Variants in ZNF621 observed in about 807,000 individuals in gnomAD.
The protein encoded by ZNF621 is zinc finger protein 621.
A neutral mutation model predicts 12.7 loss-of-function variants in ZNF621; 6 were observed. The observed-to-expected ratio is 0.47, with a 90% CI of 0.26 to 0.93. ZNF621 has a LOEUF of 0.93. Among genes scored for constraint, ZNF621 ranks in the 40% least tolerant of loss-of-function variants. The pLI is 0.15. For missense variants in ZNF621, 474 were observed against 524.0 expected, an observed-to-expected ratio of 0.90 and a Z score of 0.93; for synonymous variants, 156 against 190.3, an observed-to-expected ratio of 0.82 and a Z score of 1.48.
upstream of ZNF621, among the ~76,000 whole-genome samples, chr3:40,523,866 A>G (rs1698516743): frequency 6.6e-6 from 1 of 151,466 alleles, no homozygotes; most frequent in Admixed American, 6.6e-5. Context: ...GTCCAGAAGG[A>G]AGGGCACAGT....
In ZNF621 at chr3:40,532,760, G is replaced by A. The variant is rs886334069; in HGVS notation, c.990G>A (p.Trp330Ter). 1 of 1,614,068 alleles carries A rather than the reference G, an allele frequency of 6.2e-7. No homozygotes were observed. Among genetic ancestry groups the A allele is most frequent in the Non-Finnish European group, 8.5e-7 (1 of 1,180,050 alleles). Residue 330 changes from tryptophan (W) to a stop codon, truncating the protein, a stop_gained, in exon 5 of 5, where the codon TGG (tryptophan) becomes TGA (stop). Coordinates refer to ENST00000339296, the MANE Select transcript of ZNF621 (RefSeq NM_198484.5). LOFTEE classifies it low-confidence loss of function (END_TRUNC). ...AGGTGTGTGGGAAAGCCTTCAAATGGTATGGAAGTTTTGTTCAGCATCAGA... is the reference window on the plus strand; with the variant it reads ...AGGTGTGTGGGAAAGCCTTCAAATGATATGGAAGTTTTGTTCAGCATCAGA... ...ECKVCGKAFKWYGSFVQHQKL... is the reference protein window; with the variant it reads ...ECKVCGKAFK
At position 40,539,498 on chromosome 3, in the gene ZNF621, A is replaced by G. The variant is rs1219521711; in HGVS notation, c.*6408A>G. 1 of 152,260 alleles carries G rather than the reference A, an allele frequency of 6.6e-6. No homozygotes were observed. The highest frequency in any genetic ancestry group is 2.4e-5 in the African/African-American group (1 of 41,478). The allele number at this position is 152,260 out of a possible 1,614,324, so 9.4% of individuals were successfully genotyped here. On this transcript the variant is annotated 3_prime_UTR_variant, in exon 5 of 5. Coordinates refer to ENST00000339296, the MANE Select transcript of ZNF621 (RefSeq NM_198484.5). ...TTGCAAACTTAATAGACTATAATAT[A>G]GATTAAACATAACTTTTATAGGTAC...
chr3:40,537,981 T>TA lies in ZNF621; in HGVS notation c.*4895dup, dbSNP rs1698909236. Among the ~76,000 whole-genome samples, 1 of 152,184 alleles carries TA rather than the reference T, an allele frequency of 6.6e-6. No individual in the cohort carries two copies. Among genetic ancestry groups the TA allele is most frequent in the African/African-American group, 2.4e-5 (1 of 41,458 alleles). On this transcript the variant is annotated 3_prime_UTR_variant, in exon 5 of 5. Transcript: ENST00000339296. ...GGAGAAGAGAAGTTAATCCCTGGCT[T>TA]AAAAGCATCAAAGGACAGCTCGTCT...
Position 40,532,768 on chromosome 3 carries a change from G to A in ZNF621, c.998G>A (p.Ser333Asn). 1.2e-6 allele frequency: 2 copies of A among 1,614,202 alleles called. No individual in the cohort carries two copies. The highest frequency in any genetic ancestry group is 1.7e-6 in the Non-Finnish European group (2 of 1,180,042). Residue 333 changes from serine to asparagine, a missense_variant, in exon 5 of 5, where the codon AGT (serine) becomes AAT (asparagine). Coordinates refer to ENST00000339296, the MANE Select transcript of ZNF621 (RefSeq NM_198484.5). Reference sequence around the variant, plus strand: ...GGGAAAGCCTTCAAATGGTATGGAAGTTTTGTTCAGCATCAGAAATTGCAC... The same window carrying A: ...GGGAAAGCCTTCAAATGGTATGGAAATTTTGTTCAGCATCAGAAATTGCAC... ...VCGKAFKWYG[S>N]FVQHQKLHPV...
Position 40,532,058 on chromosome 3 carries a change from G to T in ZNF621, c.288G>T (p.Gly96=), listed in dbSNP as rs1575308395. The change falls in exon 5 of 5, where the codon GGG becomes GGT. Residue 96 remains glycine, a synonymous_variant. Transcript: ENST00000339296. ...QGGESWIKNE[G]LVIKQEASEE... ...GTGAGTCCTGGATCAAAAATGAAGG[G>T]CTAGTTATAAAGCAGGAAGCCTCTG... is the stretch of plus-strand genomic sequence containing the variant. 2 of 1,613,114 alleles carry T rather than the reference G, an allele frequency of 1.2e-6. No homozygotes were observed. The highest frequency in any genetic ancestry group is 1.7e-6 in the Non-Finnish European group (2 of 1,179,726).
chr3:40,536,570 C>T lies in ZNF621; in HGVS notation c.*3480C>T, dbSNP rs1698868569. 1 of 152,212 alleles carries T rather than the reference C, an allele frequency of 6.6e-6. No homozygotes were observed. Among genetic ancestry groups the T allele is most frequent in the African/African-American group, 2.4e-5 (1 of 41,458 alleles). The allele number at this position is 152,212 out of a possible 1,614,324, so 9.4% of individuals were successfully genotyped here. ...TTCTGCTACTGCTCTCATTCTGTCTCATCCCAGGAATCCAGTCCCAAGTGC... is the reference window on the plus strand; with the variant it reads ...TTCTGCTACTGCTCTCATTCTGTCTTATCCCAGGAATCCAGTCCCAAGTGC... On this transcript the variant is annotated 3_prime_UTR_variant, in exon 5 of 5. Coordinates refer to ENST00000339296, the MANE Select transcript of ZNF621 (RefSeq NM_198484.5).
chr3:40,531,590 T>C (rs1698727213), intron 4 of ZNF621, among the ~76,000 whole-genome samples: 1 of 152,142 alleles, frequency 6.6e-6, no homozygotes, highest in Admixed American at 6.5e-5. Flanking sequence ...TAAGACAGGG[T>C]CTAGCTCCGC....
rs1444505626 is a variant in ZNF621, at chr3:40,533,082, T to G, written c.1312T>G (p.Ser438Ala). The G allele has an allele frequency of 9.7e-6, 15 of 1,551,350 alleles. No individual in the cohort carries two copies. The highest frequency in any genetic ancestry group is 1.4e-5 in the African/African-American group (1 of 73,050). Residue 438 changes from serine (S) to alanine (A), a missense_variant, in exon 5 of 5, where the codon TCC (serine) becomes GCC (alanine). Ser to Ala is a moderately conservative substitution (Grantham distance 99). Coordinates refer to ENST00000339296, the MANE Select transcript of ZNF621 (RefSeq NM_198484.5). ...SPVILTPSSH[S>A]S ...AGTTATTCTCACCCCTTCTTCTCAC[T>G]CCTCATGAGCTTTATCTTGGCAGTC...
At chr3:40,523,284 A>C (rs947750003), upstream of ZNF621, among the ~76,000 whole-genome samples, 1 of 152,220 alleles carries the variant, frequency 6.6e-6, no homozygotes, top group African/African-American at 2.4e-5. Context: ...TCTAATTCTT[A>C]AGAAAGGAAT....
intron 3 of ZNF621, 171 bp downstream of exon 3, chr3:40,529,616 TTTGTTTTG>T: frequency 1.4e-6 from 2 of 1,471,548 alleles, no homozygotes; most frequent in East Asian, 5.7e-5. Context: ...TGTTTGTTTG[TTTGTTTTG>T]TTTGTTTGTT....
rs1191767280 is a variant in ZNF621, at chr3:40,537,050, A to G, written c.*3960A>G. 2.6e-5 allele frequency: 4 copies of G among 152,124 alleles called. No homozygotes were observed. Among genetic ancestry groups the G allele is most frequent in the Non-Finnish European group, 5.9e-5 (4 of 68,048 alleles). The allele number at this position is 152,124 out of a possible 1,614,324, so 9.4% of individuals were successfully genotyped here. The stretch of plus-strand genomic sequence containing the variant: ...ATCTCTCTCCCTCTCCTCAGACCTC[A>G]CTATTCTCTCAGACACAACAGTATT... On this transcript the variant is annotated 3_prime_UTR_variant, in exon 5 of 5. Coordinates refer to ENST00000339296, the MANE Select transcript of ZNF621 (RefSeq NM_198484.5).
Position 40,539,171 on chromosome 3 carries a change from A to G in ZNF621, c.*6081A>G, listed in dbSNP as rs886454844. On this transcript the variant is annotated 3_prime_UTR_variant, in exon 5 of 5. Coordinates refer to ENST00000339296, the MANE Select transcript of ZNF621 (RefSeq NM_198484.5). The stretch of plus-strand genomic sequence containing the variant: ...GCAGAGTTTGAGAGGATTGACTTCA[A>G]TTTTGAAGAATGTTCCACTGTGGGT... 5 of 154,968 alleles carry G rather than the reference A, an allele frequency of 3.2e-5. No individual in the cohort carries two copies. Among genetic ancestry groups the G allele is most frequent in the African/African-American group, 7.2e-5 (3 of 41,520 alleles). The allele number at this position is 154,968 out of a possible 1,614,324, so 9.6% of individuals were successfully genotyped here.
At position 40,537,977 on chromosome 3, in the gene ZNF621, G is replaced by A. The variant is rs943722512; in HGVS notation, c.*4887G>A. Among the ~76,000 whole-genome samples the A allele has an allele frequency of 6.6e-6, 1 of 152,162 alleles. No individual in the cohort carries two copies. The highest frequency in any genetic ancestry group is 1.5e-5 in the Non-Finnish European group (1 of 68,028). On this transcript the variant is annotated 3_prime_UTR_variant, in exon 5 of 5. Coordinates refer to ENST00000339296, the MANE Select transcript of ZNF621 (RefSeq NM_198484.5). ...TCATGGAGAAGAGAAGTTAATCCCT[G>A]GCTTAAAAGCATCAAAGGACAGCTC...
At position 40,536,153 on chromosome 3, in the gene ZNF621, G is replaced by A. The variant is rs1698860106; in HGVS notation, c.*3063G>A. The A allele has an allele frequency of 6.6e-6, 1 of 152,194 alleles. No homozygotes were observed. Among genetic ancestry groups the A allele is most frequent in the Admixed American group, 6.5e-5 (1 of 15,278 alleles). 9.4% of individuals were successfully genotyped at this position (152,194 alleles called of 1,614,324 possible). ...CTGTTGCTCAGGCTGGAGTGCAGTGGTGCAATCTTGGCTCACTGCAACCTA... is the reference window on the plus strand; with the variant it reads ...CTGTTGCTCAGGCTGGAGTGCAGTGATGCAATCTTGGCTCACTGCAACCTA... On this transcript the variant is annotated 3_prime_UTR_variant, in exon 5 of 5. Coordinates refer to ENST00000339296, the MANE Select transcript of ZNF621 (RefSeq NM_198484.5).
At chr3:40,527,687 A>G (rs1343210146) in intron 2 of ZNF621, among the ~76,000 whole-genome samples, 1 of 152,238 alleles carries the variant, frequency 6.6e-6, no homozygotes, top group African/African-American at 2.4e-5. Flanking sequence ...AAGTTCTGAT[A>G]GAAGTTCAAA....
In ZNF621 at chr3:40,525,848, A is replaced by C. The variant is rs1289107361; in HGVS notation, c.8A>C (p.Gln3Pro). The change falls in exon 2 of 5, where the codon CAA becomes CCA. Residue 3 changes from glutamine to proline, a missense_variant. Gln to Pro is a moderately conservative substitution (Grantham distance 76). Transcript: ENST00000339296. ML[Q>P]TTWPQESVTF... ...AGCCAGGGGACATCCGCCATGCTCC[A>C]AACAACTTGGCCTCAGGTGAGCTGA... is the stretch of plus-strand genomic sequence containing the variant. 6.2e-6 allele frequency: 10 copies of C among 1,613,982 alleles called. No homozygotes were observed. Among genetic ancestry groups the C allele is most frequent in the Admixed American group, 1.7e-5 (1 of 59,946 alleles).
chr3:40,523,113 T>C (rs909477721), upstream of ZNF621, among the ~76,000 whole-genome samples: 5 of 152,086 alleles, frequency 3.3e-5, no homozygotes, highest in African/African-American at 9.7e-5. Flanking sequence ...TTTTTTTTTT[T>C]CCTTTTTCTC....
Position 40,533,112 on chromosome 3 carries a change from G to A in ZNF621, c.*22G>A, listed in dbSNP as rs754808040. The stretch of plus-strand genomic sequence containing the variant: ...ATGAGCTTTATCTTGGCAGTCTTAC[G>A]GCTCTTATGCCTAGCAAATCTCCAG... On this transcript the variant is annotated 3_prime_UTR_variant, in exon 5 of 5. Transcript: ENST00000339296. 65 of 1,546,728 alleles carry A rather than the reference G, an allele frequency of 4.2e-5. No individual in the cohort carries two copies. The highest frequency in any genetic ancestry group is 1.6e-4 in the Admixed American group (8 of 50,684).
At chr3:40,529,540 G>A (rs1172614151) in intron 3 of ZNF621, 95 bp downstream of exon 3, 1 of 1,594,296 alleles carries the variant, frequency 6.3e-7, no homozygotes, top group Admixed American at 1.7e-5. Context: ...GACTTCAGAG[G>A]AGAGTTTTGC....
Sources: gnomAD v4.1 joint callset for allele counts (sites outside exome capture counted in the v4.1 genomes callset) on GRCh38, gnomAD v4.1.1 for gene constraint, MANE v1.5 for transcripts, NCBI Gene and HGNC (gene_info 2026-07-23, HGNC 2026-07-21) for gene names.